Variants in BCDIN3D observed in about 807,000 individuals in gnomAD.
The protein encoded by BCDIN3D is BCDIN3 domain containing RNA methyltransferase.
In BCDIN3D, 15 loss-of-function variants were observed where a neutral mutation model predicts 21.2. The observed-to-expected ratio is 0.71, with a 90% CI of 0.47 to 1.09. BCDIN3D has a LOEUF of 1.09. Among genes scored for constraint, BCDIN3D ranks in the 50% least tolerant of loss-of-function variants. The pLI is 0.00. For missense variants in BCDIN3D, 331 were observed against 366.2 expected, an observed-to-expected ratio of 0.90 and a Z score of 0.79; for synonymous variants, 127 against 141.9, an observed-to-expected ratio of 0.90 and a Z score of 0.75.
rs1269613301 is a variant in BCDIN3D, at chr12:49,836,557, C to T, written c.*1814G>A. The T allele has an allele frequency of 1.3e-5, 2 of 152,160 alleles. No individual in the cohort carries two copies. The highest frequency in any genetic ancestry group is 1.3e-4 in the Admixed American group (2 of 15,278). 9.4% of individuals were successfully genotyped at this position (152,160 alleles called of 1,614,324 possible). Reference sequence around the variant, plus strand: ...TCTGTATCTACTGTGATAACTGAGACCATCATAAACTAGCCTCATTTCCAT... The same window carrying T: ...TCTGTATCTACTGTGATAACTGAGATCATCATAAACTAGCCTCATTTCCAT... On this transcript the variant is annotated 3_prime_UTR_variant, in exon 2 of 2. Transcript: ENST00000333924.
At chr12:49,839,121 A>G (rs1268793120) in intron 1 of BCDIN3D, 106 bp from the exon 2 acceptor site, 2 of 1,307,864 alleles carry the variant, frequency 1.5e-6, no homozygotes, top group East Asian at 4.7e-5. Flanking sequence ...CTGGCTGTAT[A>G]GGATGTGAGG....
At chr12:49,842,596 G>A (rs1458494120) in intron 1 of BCDIN3D, 1 of 455,082 alleles carries the variant, frequency 2.2e-6, no homozygotes, top group African/African-American at 2.0e-5. Context: ...TAGATACAAG[G>A]ACCGTTCCCA....
chr12:49,838,287 ATTG>A lies in BCDIN3D; in HGVS notation c.*81_*83del. On this transcript the variant is annotated 3_prime_UTR_variant, in exon 2 of 2. Coordinates refer to ENST00000333924, the MANE Select transcript of BCDIN3D (RefSeq NM_181708.3). ...TCCTGCCAGGTTTTGCGGCTGCCTGATTGTTAAGGAATTAAGGAGAATGAACAT... is the reference window on the plus strand; with the variant it reads ...TCCTGCCAGGTTTTGCGGCTGCCTGATTAAGGAATTAAGGAGAATGAACAT... 1 of 1,425,220 alleles carries A rather than the reference ATTG, an allele frequency of 7.0e-7. No individual in the cohort carries two copies. Among genetic ancestry groups the A allele is most frequent in the Non-Finnish European group, 9.4e-7 (1 of 1,063,146 alleles). The allele number at this position is 1,425,220 out of a possible 1,614,324, so 88.3% of individuals were successfully genotyped here.
At chr12:49,842,618 G>A (rs575839486) in intron 1 of BCDIN3D, 2 of 505,532 alleles carry the variant, frequency 4.0e-6, no homozygotes, top group South Asian at 2.6e-5. Context: ...CTGGGGTCTG[G>A]CCCTGAAAGA....
chr12:49,840,421 C>T (rs975193729), intron 1 of BCDIN3D: 1 of 152,110 alleles, frequency 6.6e-6, no homozygotes, highest in Admixed American at 6.5e-5. Context: ...AAGGAAACAA[C>T]AGAAGGCTAG....
In BCDIN3D at chr12:49,838,119, C is replaced by A; in HGVS notation, c.*252G>T. 4.5e-6 allele frequency: 2 copies of A among 442,296 alleles called. No individual in the cohort carries two copies. The highest frequency in any genetic ancestry group is 2.8e-5 in the South Asian group (1 of 35,742). 27.4% of individuals were successfully genotyped at this position (442,296 alleles called of 1,614,324 possible). On this transcript the variant is annotated 3_prime_UTR_variant, in exon 2 of 2. Coordinates refer to ENST00000333924, the MANE Select transcript of BCDIN3D (RefSeq NM_181708.3). ...AGCAGCCCTCTCCATAACCCATAAC[C>A]AGGACCACTTTTCCTAGGCCATCTC...
Position 49,837,284 on chromosome 12 carries a change from T to TG in BCDIN3D, c.*1086dup, listed in dbSNP as rs1491400353. 30 of 112,190 alleles carry TG rather than the reference T, an allele frequency of 2.7e-4. No individual in the cohort carries two copies. The highest frequency in any genetic ancestry group is 1.1e-3 in the African/African-American group (30 of 28,256). 6.9% of individuals were successfully genotyped at this position (112,190 alleles called of 1,614,324 possible). On this transcript the variant is annotated 3_prime_UTR_variant, in exon 2 of 2. Transcript: ENST00000333924. ...GCATGTAGGTAGTTGTTTTTTTTTT[T>TG]GTTTTTTTTTTTTTTTTTTTTGAGA...
In BCDIN3D at chr12:49,843,056, C is replaced by A; in HGVS notation, c.32G>T (p.Ser11Ile). MAVPTELDGG[S>I]VKETAAEEES... ...CTCTTCCGCTGCGGTCTCCTTAACA[C>A]TCCCTCCATCCAGTTCCGTGGGCAC... is the stretch of plus-strand genomic sequence containing the variant. The change falls in exon 1 of 2, where the codon AGT becomes ATT. Residue 11 changes from serine to isoleucine, a missense_variant. By Grantham distance (142) the Ser-to-Ile change is moderately radical. Coordinates refer to ENST00000333924, the MANE Select transcript of BCDIN3D (RefSeq NM_181708.3). The A allele has an allele frequency of 6.2e-7, 1 of 1,614,202 alleles. No individual in the cohort carries two copies. The highest frequency in any genetic ancestry group is 8.5e-7 in the Non-Finnish European group (1 of 1,180,038).
Position 49,836,526 on chromosome 12 carries a change from C to T in BCDIN3D, c.*1845G>A, listed in dbSNP as rs142531253. The stretch of plus-strand genomic sequence containing the variant: ...CCTAAATTAAGATCTTGTGGGTAAA[C>T]TCAGCTCTGTATCTACTGTGATAAC... On this transcript the variant is annotated 3_prime_UTR_variant, in exon 2 of 2. Transcript: ENST00000333924. 3.3e-5 allele frequency: 5 copies of T among 152,320 alleles called. No homozygotes were observed. In the East Asian group the frequency reaches 9.6e-4, roughly 29 times the overall value. The allele number at this position is 152,320 out of a possible 1,614,324, so 9.4% of individuals were successfully genotyped here.
rs1238462525 is a variant in BCDIN3D, at chr12:49,838,624, CG to C, written c.625del (p.Arg209ValfsTer30). 3 of 1,613,642 alleles carry C rather than the reference CG, an allele frequency of 1.9e-6. No homozygotes were observed. Among genetic ancestry groups the C allele is most frequent in the Non-Finnish European group, 1.7e-6 (2 of 1,179,708 alleles). ...PWKCYRAAARRLRKLGLHDFD... is the reference protein window; with the variant it reads ...PWKCYRAAARXLRKLGLHDFD... Reference sequence around the variant, plus strand: ...ATCATGGAGTCCCAGCTTTCGGAGACGCCTTGCAGCTGCCCGGTAACACTTC... The same window carrying C: ...ATCATGGAGTCCCAGCTTTCGGAGACCCTTGCAGCTGCCCGGTAACACTTC... On this transcript the variant is annotated frameshift_variant, in exon 2 of 2. Transcript: ENST00000333924. LOFTEE classifies it high-confidence loss of function.
In BCDIN3D at chr12:49,838,940, A is replaced by C. The variant is rs779382152; in HGVS notation, c.310T>G (p.Phe104Val). 2 of 1,614,208 alleles carry C rather than the reference A, an allele frequency of 1.2e-6. No homozygotes were observed. The highest frequency in any genetic ancestry group is 1.7e-6 in the Non-Finnish European group (2 of 1,180,048). The change falls in exon 2 of 2, where the codon TTC becomes GTC. Residue 104 changes from phenylalanine (F) to valine (V), a missense_variant. Phe to Val is a conservative substitution (Grantham distance 50). Transcript: ENST00000333924. ...TCTATGTCGCAGCAGAGGAGACGGA[A>C]TTCTCTTGAGGCATCTGAGCAGGTT... ...GETCSDASRE[F>V]RLLCCDIDPV...
intron 1 of BCDIN3D, chr12:49,840,748 C>G (rs1946546490): frequency 6.7e-6 from 1 of 149,604 alleles, no homozygotes; most frequent in Admixed American, 6.7e-5. Flanking sequence ...CGAGCTCAAG[C>G]AATCCACCAG....
chr12:49,839,378 G>A (rs868674326), intron 1 of BCDIN3D: 7 of 212,580 alleles, frequency 3.3e-5, no homozygotes, highest in Admixed American at 1.1e-4. Flanking sequence ...ACCCCAGGGC[G>A]GAAGAAAGGG....
Position 49,843,069 on chromosome 12 carries a change from G to C in BCDIN3D, c.19C>G (p.Leu7Val). MAVPTE[L>V]DGGSVKETAA... ...GTCTCCTTAACACTCCCTCCATCCA[G>C]TTCCGTGGGCACCGCCATTAGCCTC... Residue 7 changes from leucine to valine, a missense_variant, in exon 1 of 2, where the codon CTG becomes GTG. Leu to Val is a conservative substitution (Grantham distance 32). Transcript: ENST00000333924. The C allele has an allele frequency of 1.2e-6, 2 of 1,613,758 alleles. No individual in the cohort carries two copies. Among genetic ancestry groups the C allele is most frequent in the South Asian group, 1.1e-5 (1 of 91,086 alleles).
chr12:49,838,114 A>G lies in BCDIN3D; in HGVS notation c.*257T>C. ...CCAAAAGCAGCCCTCTCCATAACCCATAACCAGGACCACTTTTCCTAGGCC... is the reference window on the plus strand; with the variant it reads ...CCAAAAGCAGCCCTCTCCATAACCCGTAACCAGGACCACTTTTCCTAGGCC... On this transcript the variant is annotated 3_prime_UTR_variant, in exon 2 of 2. Coordinates refer to ENST00000333924, the MANE Select transcript of BCDIN3D (RefSeq NM_181708.3). The G allele has an allele frequency of 2.3e-6, 1 of 435,082 alleles. No individual in the cohort carries two copies. The highest frequency in any genetic ancestry group is 4.1e-6 in the Non-Finnish European group (1 of 242,216). The allele number at this position is 435,082 out of a possible 1,614,324, so 27.0% of individuals were successfully genotyped here.
intron 1 of BCDIN3D, among the ~76,000 whole-genome samples, chr12:49,842,083 GTT>G (rs1227392624): frequency 6.6e-6 from 1 of 152,124 alleles, no homozygotes; most frequent in Non-Finnish European, 1.5e-5. Flanking sequence ...TCAACTCACT[GTT>G]TTGTTTTGTT....
Position 49,843,004 on chromosome 12 carries a change from G to A in BCDIN3D, c.84C>T (p.Ala28=), listed in dbSNP as rs200582889. ...AATGAGGAAAATTTCCGAACGGGGC[G>A]GCGCCAGGTGCCAGAACTCGCGATT... ...EEESRVLAPG[A]APFGNFPHYS... Residue 28 remains alanine (A), a synonymous_variant, in exon 1 of 2, where the codon GCC becomes GCT. Coordinates refer to ENST00000333924, the MANE Select transcript of BCDIN3D (RefSeq NM_181708.3). 64 of 1,614,212 alleles carry A rather than the reference G, an allele frequency of 4.0e-5. No homozygotes were observed. The East Asian group carries it at 7.8e-4, about 20-fold the overall frequency.
At position 49,837,461 on chromosome 12, in the gene BCDIN3D, G is replaced by GT. The variant is rs1431692267; in HGVS notation, c.*909dup. On this transcript the variant is annotated 3_prime_UTR_variant, in exon 2 of 2. Transcript: ENST00000333924. ...CGCCACTACGCCCGGCTAATTTTTTGTATTTTTAGTAGAGACGGGGTTTCA... is the reference window on the plus strand; with the variant it reads ...CGCCACTACGCCCGGCTAATTTTTTGTTATTTTTAGTAGAGACGGGGTTTCA... The GT allele has an allele frequency of 6.6e-6, 1 of 151,496 alleles. No individual in the cohort carries two copies. The highest frequency in any genetic ancestry group is 1.5e-5 in the Non-Finnish European group (1 of 67,894). 9.4% of individuals were successfully genotyped at this position (151,496 alleles called of 1,614,324 possible). A position where few individuals can be genotyped will look rare whatever the true frequency, so the allele number is the denominator to read the frequency against.
intron 1 of BCDIN3D, among the ~76,000 whole-genome samples, chr12:49,842,052 G>T (rs896846079): frequency 6.6e-6 from 1 of 152,168 alleles, no homozygotes; most frequent in African/African-American, 2.4e-5. Context: ...TTTGCTTCTC[G>T]ATCCTCTCCA....
Sources: allele counts gnomAD v4.1 joint callset (sites outside exome capture counted in the v4.1 genomes callset), GRCh38; gene constraint gnomAD v4.1.1; transcripts MANE v1.5; gene names NCBI Gene and HGNC (gene_info 2026-07-23, HGNC 2026-07-21).